The following CSNK2A2IP variants were observed in gnomAD, a reference collection of about 807,000 sequenced individuals.
CSNK2A2IP encodes casein kinase II subunit alpha'-interacting protein.
the CSNK2A2IP span, among the ~76,000 whole-genome samples, chr3:88,440,071 G>A: frequency 6.6e-6 from 1 of 152,124 alleles, no homozygotes; most frequent in Non-Finnish European, 1.5e-5. Context: ...CAGATGGCAA[G>A]TTTAAACTAA....
At chr3:88,348,133 A>G in the CSNK2A2IP span, among the ~76,000 whole-genome samples, 2 of 151,964 alleles carry the variant, frequency 1.3e-5, no homozygotes, top group African/African-American at 4.8e-5. Context: ...AGAGACATCT[A>G]TTTGACTTCG....
the CSNK2A2IP span, among the ~76,000 whole-genome samples, chr3:88,356,144 G>C: frequency 6.6e-6 from 1 of 152,098 alleles, no homozygotes; most frequent in Non-Finnish European, 1.5e-5. Flanking sequence ...ATAAGTTATT[G>C]TTTACCATAG....
At chr3:88,344,760 C>G in the CSNK2A2IP span, among the ~76,000 whole-genome samples, 1 of 151,844 alleles carries the variant, frequency 6.6e-6, no homozygotes, top group South Asian at 2.1e-4. Context: ...GATATCACTA[C>G]CACATTGTAA....
At chr3:88,377,872 T>C in the CSNK2A2IP span, among the ~76,000 whole-genome samples, 1 of 152,098 alleles carries the variant, frequency 6.6e-6, no homozygotes, top group East Asian at 1.9e-4. Flanking sequence ...AGTGACCATA[T>C]GTGACTTTTA....
the CSNK2A2IP span, among the ~76,000 whole-genome samples, chr3:88,411,205 A>G: frequency 6.6e-6 from 1 of 151,974 alleles, no homozygotes; most frequent in Admixed American, 6.6e-5. Flanking sequence ...TTCAAGGTAT[A>G]GTTGTTTGTG....
chr3:88,451,529 G>A, the CSNK2A2IP span, among the ~76,000 whole-genome samples: 441 of 151,238 alleles, frequency 2.9e-3, 2 homozygotes, highest in African/African-American at 9.9e-3. Context: ...CTCAGTCATC[G>A]CCCTTGAAAT....
the CSNK2A2IP span, among the ~76,000 whole-genome samples, chr3:88,451,204 G>A: frequency 6.6e-6 from 1 of 152,082 alleles, no homozygotes; most frequent in African/African-American, 2.4e-5. Context: ...TGTCATATTT[G>A]ACAGTATAGA....
the CSNK2A2IP span, among the ~76,000 whole-genome samples, chr3:88,367,569 T>A: frequency 6.6e-6 from 1 of 152,168 alleles, no homozygotes; most frequent in African/African-American, 2.4e-5. Flanking sequence ...ATACACTTCC[T>A]TAACACTCAG....
the CSNK2A2IP span, among the ~76,000 whole-genome samples, chr3:88,442,385 T>G: frequency 6.6e-6 from 1 of 152,020 alleles, no homozygotes; most frequent in Non-Finnish European, 1.5e-5. Context: ...ATTTTTTTTC[T>G]CCTCACAATT....
At chr3:88,454,350 A>G in the CSNK2A2IP span, among the ~76,000 whole-genome samples, 1 of 151,842 alleles carries the variant, frequency 6.6e-6, no homozygotes. Context: ...TGCTTTGCAA[A>G]TATTACTCTA....
At chr3:88,383,542 C>A in the CSNK2A2IP span, among the ~76,000 whole-genome samples, 1 of 152,060 alleles carries the variant, frequency 6.6e-6, no homozygotes, top group African/African-American at 2.4e-5. Context: ...ACTGTGTACT[C>A]ATCAGCATAT....
the CSNK2A2IP span, among the ~76,000 whole-genome samples, chr3:88,384,369 A>T: frequency 3.1e-4 from 10 of 31,972 alleles, no homozygotes; most frequent in African/African-American, 5.4e-4. Flanking sequence ...ACCCAAAATT[A>T]AAAAAAAAAC....
chr3:88,358,317 C>G, the CSNK2A2IP span, among the ~76,000 whole-genome samples: 1 of 152,054 alleles, frequency 6.6e-6, no homozygotes, highest in Non-Finnish European at 1.5e-5. Flanking sequence ...ATTTGGGTGC[C>G]CTTTATTTCT....
chr3:88,364,192 A>G, the CSNK2A2IP span, among the ~76,000 whole-genome samples: 1 of 151,872 alleles, frequency 6.6e-6, no homozygotes, highest in Non-Finnish European at 1.5e-5. Flanking sequence ...ATTTCACTTC[A>G]TATGTCTCCC....
the CSNK2A2IP span, among the ~76,000 whole-genome samples, chr3:88,389,383 GC>G: frequency 6.6e-6 from 1 of 152,228 alleles, no homozygotes; most frequent in African/African-American, 2.4e-5. Flanking sequence ...GTCTGGCTGT[GC>G]TTGAGGAACC....
chr3:88,395,992 T>C, the CSNK2A2IP span, among the ~76,000 whole-genome samples: 2 of 152,192 alleles, frequency 1.3e-5, no homozygotes, highest in Non-Finnish European at 2.9e-5. Context: ...GGAGTTACCA[T>C]GATTAGTAAA....
the CSNK2A2IP span, among the ~76,000 whole-genome samples, chr3:88,418,211 G>T: frequency 6.6e-6 from 1 of 152,086 alleles, no homozygotes; most frequent in African/African-American, 2.4e-5. Flanking sequence ...GTTTGAGAGG[G>T]TATATGTCAC....
chr3:88,426,612 A>T, the CSNK2A2IP span, among the ~76,000 whole-genome samples: 3 of 152,036 alleles, frequency 2.0e-5, no homozygotes, highest in Non-Finnish European at 4.4e-5. Flanking sequence ...AATTACCCTT[A>T]TGTTGATCTT....
chr3:88,446,030 T>TTTTCTCTTTCTTTC, the CSNK2A2IP span, among the ~76,000 whole-genome samples: 75 of 58,178 alleles, frequency 1.3e-3, 3 homozygotes, highest in Non-Finnish European at 2.1e-3. Context: ...TCTTTGTTTC[T>TTTTCTCTTTCTTTC]TTTCTTTCTT....
Sources: allele counts gnomAD v4.1 joint callset (sites outside exome capture counted in the v4.1 genomes callset), GRCh38; gene constraint gnomAD v4.1.1; transcripts MANE v1.5; gene names NCBI Gene and HGNC (gene_info 2026-07-23, HGNC 2026-07-21).